CNTNAP2: variants seen among roughly 807,000 people sequenced by gnomAD.
The protein encoded by CNTNAP2 is contactin associated protein 2.
A neutral mutation model predicts 155.2 loss-of-function variants in CNTNAP2; 98 were observed. The observed-to-expected ratio is 0.63, with a 90% CI of 0.54 to 0.75. The LOEUF (loss-of-function observed/expected upper bound fraction) is 0.75. Among genes scored for constraint, CNTNAP2 ranks in the 30% least tolerant of loss-of-function variants. The probability of loss-of-function intolerance (pLI) is 0.00; values close to 1 mark genes in which losing one functional copy is unlikely to be tolerated. For missense variants in CNTNAP2, 1,727 were observed against 1,688.1 expected (o/e 1.02, Z -0.40); for synonymous variants, 651 against 631.2 (o/e 1.03, Z -0.47).
intron 8 of CNTNAP2, among the ~76,000 whole-genome samples, chr7:147,200,141 G>T (rs1047053131): frequency 5.4e-5 from 8 of 149,062 alleles, no homozygotes; most frequent in African/African-American, 2.0e-4. Flanking sequence ...TTTACCCACT[G>T]CTGCTTCTCC....
Position 148,217,464 on chromosome 7 carries a change from A to G in CNTNAP2, c.3187A>G (p.Ile1063Val). ...FSFSTTKAPC[I>V]LLYISSFTTD... is the part of the protein sequence containing the mutation. ...CTTCAGCACCACCAAGGCGCCCTGC[A>G]TTCTCCTCTACATCAGCTCCTTCAC... Residue 1063 changes from isoleucine (I) to valine (V), a missense_variant, in exon 19 of 24, where the codon ATT becomes GTT. Physicochemically the swap from Ile to Val is conservative, Grantham distance 29. Transcript: ENST00000361727. 1 of 1,614,168 alleles carries G rather than the reference A, an allele frequency of 6.2e-7. No individual in the cohort carries two copies. The highest frequency in any genetic ancestry group is 2.2e-5 in the East Asian group (1 of 44,880).
At chr7:146,930,053 G>A (rs979656285) in intron 3 of CNTNAP2, among the ~76,000 whole-genome samples, 13 of 152,188 alleles carry the variant, frequency 8.5e-5, no homozygotes, top group African/African-American at 3.1e-4. Flanking sequence ...AATCTAGCAA[G>A]GCAGGCCAAC....
intron 1 of CNTNAP2, among the ~76,000 whole-genome samples, chr7:146,634,273 C>T (rs1015112951): frequency 2.0e-5 from 3 of 152,116 alleles, no homozygotes; most frequent in African/African-American, 7.2e-5. Flanking sequence ...AACCATACTT[C>T]CCTGTGCCGA....
intron 3 of CNTNAP2, among the ~76,000 whole-genome samples, chr7:146,998,984 T>G (rs1355120495): frequency 1.3e-5 from 2 of 151,966 alleles, no homozygotes; most frequent in African/African-American, 4.8e-5. Context: ...TTAGAGAATT[T>G]TTTTATTATT....
At chr7:146,641,150 C>T (rs1008647592) in intron 1 of CNTNAP2, among the ~76,000 whole-genome samples, 4 of 152,062 alleles carry the variant, frequency 2.6e-5, no homozygotes, top group African/African-American at 9.7e-5. Context: ...CACTGTGAAA[C>T]CCCGTCTTTA....
intron 13 of CNTNAP2, among the ~76,000 whole-genome samples, chr7:147,678,906 A>T (rs903939135): frequency 1.3e-5 from 2 of 151,962 alleles, no homozygotes; most frequent in Non-Finnish European, 2.9e-5. Context: ...AGAAACTAAA[A>T]GAAATTTGAA....
intron 1 of CNTNAP2, among the ~76,000 whole-genome samples, chr7:146,246,653 G>A (rs1013166401): frequency 4.6e-5 from 7 of 151,456 alleles, no homozygotes; most frequent in Admixed American, 6.5e-5. Flanking sequence ...GTCTTCAGCC[G>A]CTAAGCCAAG....
intron 15 of CNTNAP2, among the ~76,000 whole-genome samples, chr7:148,098,689 T>C (rs1166028926): frequency 6.6e-6 from 1 of 152,018 alleles, no homozygotes; most frequent in Non-Finnish European, 1.5e-5. Flanking sequence ...TTTTTTAAAT[T>C]TTCATTAAAA....
intron 13 of CNTNAP2, among the ~76,000 whole-genome samples, chr7:147,676,146 G>C (rs1287470817): frequency 6.6e-6 from 1 of 151,482 alleles, no homozygotes; most frequent in Admixed American, 6.6e-5. Flanking sequence ...AGTTACAAAA[G>C]AGAATGTGAC....
At chr7:146,802,596 C>A (rs1477042255) in intron 2 of CNTNAP2, among the ~76,000 whole-genome samples, 1 of 152,116 alleles carries the variant, frequency 6.6e-6, no homozygotes, top group Non-Finnish European at 1.5e-5. Flanking sequence ...GCACATCCTT[C>A]TTTGTTTCCT....
At chr7:146,125,933 C>T (rs190836070) in intron 1 of CNTNAP2, among the ~76,000 whole-genome samples, 1 of 152,166 alleles carries the variant, frequency 6.6e-6, no homozygotes, top group Non-Finnish European at 1.5e-5. Context: ...ACTTATAAAA[C>T]GTTCTGCTTG....
chr7:148,224,456 T>C (rs1795809136), intron 19 of CNTNAP2, among the ~76,000 whole-genome samples: 1 of 152,164 alleles, frequency 6.6e-6, no homozygotes, highest in African/African-American at 2.4e-5. Context: ...GTAGTTTGAA[T>C]GTAAAAAGTG....
intron 12 of CNTNAP2, among the ~76,000 whole-genome samples, chr7:147,622,175 A>T (rs1349594977): frequency 6.6e-6 from 1 of 152,038 alleles, no homozygotes; most frequent in Non-Finnish European, 1.5e-5. Flanking sequence ...ATGGGCCCCA[A>T]TACAATAATA....
intron 4 of CNTNAP2, among the ~76,000 whole-genome samples, chr7:147,064,529 G>A (rs75336966): frequency 0.06 from 9,118 of 152,136 alleles, 705 homozygotes; most frequent in African/African-American, 0.18. Context: ...GCCTCACATA[G>A]CATTCTTCAC....
intron 1 of CNTNAP2, among the ~76,000 whole-genome samples, chr7:146,668,974 T>C (rs1198809823): frequency 1.3e-5 from 2 of 152,178 alleles, no homozygotes; most frequent in Admixed American, 1.3e-4. Flanking sequence ...GAATATGGTC[T>C]ATGTTGTTAA....
intron 13 of CNTNAP2, among the ~76,000 whole-genome samples, chr7:147,821,304 C>T (rs1798356419): frequency 1.3e-5 from 2 of 152,068 alleles, no homozygotes; most frequent in Non-Finnish European, 2.9e-5. Context: ...ATAATGTTTT[C>T]TAGGTCCCAT....
intron 12 of CNTNAP2, among the ~76,000 whole-genome samples, chr7:147,634,555 T>C (rs556262167): frequency 3.2e-4 from 49 of 152,148 alleles, no homozygotes; most frequent in African/African-American, 1.1e-3. Context: ...TAAAGAACTT[T>C]ATGTAACCAA....
intron 8 of CNTNAP2, among the ~76,000 whole-genome samples, chr7:147,197,701 G>T (rs1006797920): frequency 6.6e-6 from 1 of 152,166 alleles, no homozygotes; most frequent in South Asian, 2.1e-4. Context: ...ACTGATTTTT[G>T]AAGTGCACAT....
At chr7:146,875,508 G>A (rs751560930) in intron 3 of CNTNAP2, among the ~76,000 whole-genome samples, 8 of 152,050 alleles carry the variant, frequency 5.3e-5, no homozygotes, top group Non-Finnish European at 1.2e-4. Context: ...TTTAAAACAC[G>A]AAACTGTCTT....
Sources: gnomAD v4.1 joint callset for allele counts (sites outside exome capture counted in the v4.1 genomes callset) on GRCh38, gnomAD v4.1.1 for gene constraint, MANE v1.5 for transcripts, NCBI Gene and HGNC (gene_info 2026-07-23, HGNC 2026-07-21) for gene names.